SIPA1L1: variants seen among roughly 807,000 people sequenced by gnomAD.
SIPA1L1 encodes the protein signal-induced proliferation-associated 1-like protein 1.
A neutral mutation model predicts 162.7 loss-of-function variants in SIPA1L1; 26 were observed. That is an observed-to-expected ratio of 0.16 (90% CI 0.12 to 0.22). The LOEUF is 0.22. Among genes scored for constraint, SIPA1L1 ranks in the 10% least tolerant of loss-of-function variants. The pLI, the probability that SIPA1L1 is intolerant of heterozygous loss-of-function variation, is 1.00. For synonymous variants in SIPA1L1, 829 were observed against 837.4 expected, an observed-to-expected ratio of 0.99 and a Z score of 0.17; for missense variants, 1,874 against 2,241.0, an observed-to-expected ratio of 0.84 and a Z score of 3.31.
chr14:71,403,379 C>T (rs150319413), intron 2 of SIPA1L1, among the ~76,000 whole-genome samples: 1,678 of 152,140 alleles, frequency 0.011, 16 homozygotes, highest in Non-Finnish European at 0.018. Context: ...GCAGGTGGAT[C>T]ATGAGGTCGG....
chr14:71,720,086 G>A (rs192901184), intron 17 of SIPA1L1, among the ~76,000 whole-genome samples: 46 of 151,956 alleles, frequency 3.0e-4, no homozygotes, highest in Non-Finnish European at 5.4e-4. Context: ...CTTTATCCTT[G>A]ACCTTTGAGA....
chr14:71,588,748 C>T lies in SIPA1L1; in HGVS notation c.876C>T (p.Asp292=). 1 of 1,614,066 alleles carries T rather than the reference C, an allele frequency of 6.2e-7. No individual in the cohort carries two copies. The highest frequency in any genetic ancestry group is 8.5e-7 in the Non-Finnish European group (1 of 1,179,988). Residue 292 remains aspartate (D), a synonymous_variant, in exon 5 of 24, where the codon GAC becomes GAT. Coordinates refer to ENST00000381232, the MANE Select transcript of SIPA1L1 (RefSeq NM_001386936.1). This position sits in a 1 kb window ranked among gnomAD's most constrained non-coding sequence, Gnocchi z 4.3. ...GACGTTCAAAATCTGAAACTGGAGA[C>T]TCATCTATTTTTCGTAAATTGCGCA... The part of the protein sequence containing the change: ...LKRRSKSETG[D]SSIFRKLRNA...
chr14:71,379,566 G>A (rs1021268657), intron 2 of SIPA1L1: 1 of 152,196 alleles, frequency 6.6e-6, no homozygotes, highest in Non-Finnish European at 1.5e-5. Context: ...CAAAGTGTTG[G>A]GATTATAGGC....
At chr14:71,690,929 C>A (rs1204196637) in intron 13 of SIPA1L1, among the ~76,000 whole-genome samples, 2 of 152,216 alleles carry the variant, frequency 1.3e-5, no homozygotes, top group African/African-American at 4.8e-5. Context: ...TTCACAAGTT[C>A]AAGCTGACTT....
At chr14:71,727,247 G>A (rs528924957) in intron 19 of SIPA1L1, among the ~76,000 whole-genome samples, 6 of 152,064 alleles carry the variant, frequency 3.9e-5, no homozygotes, top group Non-Finnish European at 8.8e-5. Context: ...TGTGGCTCCA[G>A]TATTTAGGAA....
intron 2 of SIPA1L1, among the ~76,000 whole-genome samples, chr14:71,411,658 C>T (rs1327284376): frequency 2.6e-5 from 4 of 152,296 alleles, no homozygotes; most frequent in African/African-American, 9.6e-5. Flanking sequence ...TGGGAGCTCC[C>T]GACTGGAGTC....
chr14:71,496,726 T>A (rs2049813929), intron 2 of SIPA1L1, among the ~76,000 whole-genome samples: 1 of 102,062 alleles, frequency 9.8e-6, no homozygotes, highest in African/African-American at 2.9e-5. Flanking sequence ...ATTGTCTCTC[T>A]CAGTTCTGTT....
At chr14:71,486,045 A>G (rs183493219) in intron 2 of SIPA1L1, among the ~76,000 whole-genome samples, 1 of 152,328 alleles carries the variant, frequency 6.6e-6, no homozygotes, top group East Asian at 1.9e-4. Context: ...CTGCCCAAAG[A>G]AAACATTGGA....
chr14:71,456,713 T>G (rs2046214633), intron 2 of SIPA1L1, among the ~76,000 whole-genome samples: 1 of 152,222 alleles, frequency 6.6e-6, no homozygotes, highest in Non-Finnish European at 1.5e-5. Context: ...AGCTTTTACA[T>G]TTTTAAGTTT....
intron 4 of SIPA1L1, among the ~76,000 whole-genome samples, chr14:71,564,514 C>A (rs2029910002): frequency 9.8e-6 from 1 of 102,468 alleles, no homozygotes; most frequent in Non-Finnish European, 1.8e-5. Context: ...GAGACAGAGT[C>A]TCACTCTGTC....
chr14:71,559,839 T>A (rs1050135186), intron 4 of SIPA1L1, among the ~76,000 whole-genome samples: 1 of 152,184 alleles, frequency 6.6e-6, no homozygotes, highest in Non-Finnish European at 1.5e-5. Flanking sequence ...AAACTTTTTT[T>A]TTTTTGTATA....
chr14:71,530,180 T>G (rs550888297), intron 4 of SIPA1L1, among the ~76,000 whole-genome samples: 1 of 152,298 alleles, frequency 6.6e-6, no homozygotes, highest in Non-Finnish European at 1.5e-5. Flanking sequence ...CCTGGGGAAA[T>G]GTAGGAGTAA....
intron 2 of SIPA1L1, among the ~76,000 whole-genome samples, chr14:71,429,370 CTT>C (rs756981839): frequency 6.7e-6 from 1 of 149,998 alleles, no homozygotes; most frequent in Non-Finnish European, 1.5e-5. Flanking sequence ...ATTTTAGAAA[CTT>C]CACATAATTG....
chr14:71,457,122 C>T (rs2046240494), intron 2 of SIPA1L1, among the ~76,000 whole-genome samples: 1 of 151,996 alleles, frequency 6.6e-6, no homozygotes, highest in Non-Finnish European at 1.5e-5. Flanking sequence ...ATACTTCAAA[C>T]TGCCCTAGCA....
rs762928334 is a variant in SIPA1L1 at position 71,544,038 on chromosome 14, TACAC to T, written c.-303+14671_-303+14674del. On this transcript the variant is annotated intron_variant, in intron 4 of 23. Coordinates refer to ENST00000381232, the MANE Select transcript of SIPA1L1 (RefSeq NM_001386936.1). ...ATACACATACGCACATGTATGTATATACACACGCACGCACATGTATGTATATACA... is the reference window on the plus strand; with the variant it reads ...ATACACATACGCACATGTATGTATATACGCACGCACATGTATGTATATACA... Among the ~76,000 whole-genome samples, 9 of 148,316 alleles carry T rather than the reference TACAC, an allele frequency of 6.1e-5. No individual in the cohort carries two copies. In the Admixed American group the frequency reaches 6.6e-4, roughly 11 times the overall value.
At chr14:71,668,488 G>C (rs2044227534) in intron 10 of SIPA1L1, among the ~76,000 whole-genome samples, 1 of 152,126 alleles carries the variant, frequency 6.6e-6, no homozygotes, top group South Asian at 2.1e-4. Flanking sequence ...ACACCTTCCT[G>C]GTCGCTCAGT....
intron 5 of SIPA1L1, among the ~76,000 whole-genome samples, chr14:71,608,886 T>A (rs2148255531): frequency 6.6e-6 from 1 of 152,222 alleles, no homozygotes; most frequent in South Asian, 2.1e-4. Context: ...AGCGAGACTC[T>A]GTCTCAAAAA....
At chr14:71,529,209 C>G (rs1317214010) in intron 3 of SIPA1L1, 103 bp from the exon 4 acceptor site, 1 of 415,100 alleles carries the variant, frequency 2.4e-6, no homozygotes, top group East Asian at 3.5e-5. Flanking sequence ...GCTGGTTTGC[C>G]TCTTCTAGAA....
At chr14:71,453,199 A>G (rs929698239) in intron 2 of SIPA1L1, among the ~76,000 whole-genome samples, 1 of 152,210 alleles carries the variant, frequency 6.6e-6, no homozygotes, top group Non-Finnish European at 1.5e-5. Flanking sequence ...CTTCAGAACA[A>G]TATGCCAATA....
Sources: gnomAD v4.1 joint callset for allele counts (sites outside exome capture counted in the v4.1 genomes callset) on GRCh38, gnomAD v4.1.1 for gene constraint, Gnocchi (gnomAD v3.1) non-coding constraint, MANE v1.5 for transcripts, NCBI Gene and HGNC (gene_info 2026-07-23, HGNC 2026-07-21) for gene names.